UBXN2A: variants seen among roughly 807,000 people sequenced by gnomAD.
UBXN2A encodes the protein UBX domain-containing protein 2A.
A neutral mutation model predicts 28.4 loss-of-function variants in UBXN2A; 28 were observed. The ratio of observed to expected loss-of-function variants is 0.99; its 90% CI spans 0.73 to 1.35. UBXN2A has a LOEUF of 1.35. UBXN2A is among the 40% of genes most tolerant of loss of function. The pLI is 0.00. For synonymous variants in UBXN2A, 97 were observed against 103.6 expected (o/e 0.94, Z 0.39); for missense variants, 253 against 297.9 (o/e 0.85, Z 1.11).
intron 1 of UBXN2A, among the ~76,000 whole-genome samples, chr2:23,933,567 C>T (rs1177369119): frequency 6.6e-6 from 1 of 151,674 alleles, no homozygotes; most frequent in Non-Finnish European, 1.5e-5. Context: ...TAAGCAAGAG[C>T]CATAAATTAG....
intron 2 of UBXN2A, among the ~76,000 whole-genome samples, chr2:23,969,369 T>C (rs923740591): frequency 1.1e-4 from 17 of 151,818 alleles, no homozygotes; most frequent in Non-Finnish European, 5.9e-5. Context: ...AGACCCTTTT[T>C]CTCCAAAACA....
At chr2:23,983,928 G>A (rs1033852460) in intron 5 of UBXN2A, among the ~76,000 whole-genome samples, 2 of 152,102 alleles carry the variant, frequency 1.3e-5, no homozygotes, top group Non-Finnish European at 2.9e-5. Flanking sequence ...CACCCACCTC[G>A]GCCTCCCAAA....
At chr2:23,988,776 C>T (rs1465216105) in intron 6 of UBXN2A, among the ~76,000 whole-genome samples, 2 of 152,056 alleles carry the variant, frequency 1.3e-5, no homozygotes, top group Admixed American at 1.3e-4. Context: ...GTGTCTATAC[C>T]TACTCATAGT....
chr2:23,991,649 T>G (rs1243681870), intron 6 of UBXN2A, among the ~76,000 whole-genome samples: 1 of 152,048 alleles, frequency 6.6e-6, no homozygotes, highest in African/African-American at 2.4e-5. Context: ...TTTTTTGTAT[T>G]TTTAGTAGAG....
intron 2 of UBXN2A, among the ~76,000 whole-genome samples, chr2:23,961,243 G>GT (rs1706893077): frequency 6.7e-6 from 1 of 148,216 alleles, no homozygotes; most frequent in South Asian, 2.1e-4. Flanking sequence ...CTACAGGTGT[G>GT]TGCCACCACG....
intron 3 of UBXN2A, among the ~76,000 whole-genome samples, chr2:23,972,189 T>C (rs1303900257): frequency 1.3e-5 from 2 of 152,188 alleles, no homozygotes; most frequent in Non-Finnish European, 2.9e-5. Context: ...TGCAACACCT[T>C]AGCAGGAATC....
In UBXN2A at chr2:24,001,473, T is replaced by C. The variant is rs1385246454; in HGVS notation, c.*1606T>C. 1 of 152,064 alleles carries C rather than the reference T, an allele frequency of 6.6e-6. No individual in the cohort carries two copies. Among genetic ancestry groups the C allele is most frequent in the Non-Finnish European group, 1.5e-5 (1 of 68,010 alleles). The allele number at this position is 152,064 out of a possible 1,614,324, so 9.4% of individuals were successfully genotyped here. A position where few individuals can be genotyped will look rare whatever the true frequency, so the allele number is the denominator to read the frequency against. On this transcript the variant is annotated 3_prime_UTR_variant, in exon 7 of 7. Coordinates refer to ENST00000309033, the MANE Select transcript of UBXN2A (RefSeq NM_181713.4). ...TAAGTTTAACATTTTTTTTTGCAAA[T>C]GATCTATTGAATCAGATTTAAAATG... is the stretch of plus-strand genomic sequence containing the variant.
chr2:23,955,717 T>A (rs575302143), intron 1 of UBXN2A, among the ~76,000 whole-genome samples: 99 of 152,368 alleles, frequency 6.5e-4, no homozygotes, highest in Non-Finnish European at 1.3e-3. Flanking sequence ...TGGTAACTAT[T>A]TGCGTATCCA....
chr2:23,986,703 G>A (rs1708147382), intron 6 of UBXN2A, among the ~76,000 whole-genome samples: 1 of 151,704 alleles, frequency 6.6e-6, no homozygotes, highest in Admixed American at 6.6e-5. Context: ...CATCCCCCGG[G>A]TTCAAGCGAT....
intron 1 of UBXN2A, chr2:23,943,708 C>G (rs1333967582): frequency 1.1e-5 from 2 of 184,266 alleles, no homozygotes; most frequent in Non-Finnish European, 1.1e-5. Context: ...TCAGGCTGGT[C>G]TCGAACTCCT....
intron 4 of UBXN2A, among the ~76,000 whole-genome samples, chr2:23,979,787 T>C (rs1707821158): frequency 6.6e-6 from 1 of 152,038 alleles, no homozygotes; most frequent in South Asian, 2.1e-4. Context: ...CCCAGGCTGG[T>C]CTCAAACTCC....
At chr2:23,927,911 C>T (rs1705147418) in intron 1 of UBXN2A, among the ~76,000 whole-genome samples, 1 of 151,964 alleles carries the variant, frequency 6.6e-6, no homozygotes, top group Non-Finnish European at 1.5e-5. Flanking sequence ...TGCGGTGGCT[C>T]AAGCCTGTAA....
intron 1 of UBXN2A, among the ~76,000 whole-genome samples, chr2:23,942,759 G>A (rs1355667407): frequency 6.6e-6 from 1 of 151,762 alleles, no homozygotes; most frequent in Non-Finnish European, 1.5e-5. Flanking sequence ...TTTGGGACCA[G>A]CTTTTTCTGT....
chr2:23,979,660 C>T (rs957763510), intron 4 of UBXN2A, among the ~76,000 whole-genome samples: 1 of 151,988 alleles, frequency 6.6e-6, no homozygotes, highest in African/African-American at 2.4e-5. Context: ...CTTCAAACTC[C>T]CCGTCTCAAG....
intron 2 of UBXN2A, among the ~76,000 whole-genome samples, chr2:23,964,279 C>T (rs887025441): frequency 3.3e-5 from 5 of 151,730 alleles, no homozygotes; most frequent in Admixed American, 1.3e-4. Flanking sequence ...GGCACAATCT[C>T]GGCTCACCAC....
In UBXN2A at chr2:24,000,064, C is replaced by G. The variant is rs145877496; in HGVS notation, c.*197C>G. On this transcript the variant is annotated 3_prime_UTR_variant, in exon 7 of 7. Transcript: ENST00000309033. ...ATGACTGGAAACTATATTCAGTGCACTTTCTCCAAAAGACTACCCAGAAAA... is the reference window on the plus strand; with the variant it reads ...ATGACTGGAAACTATATTCAGTGCAGTTTCTCCAAAAGACTACCCAGAAAA... The G allele has an allele frequency of 5.5e-4, 298 of 537,052 alleles. 2 individuals carry two copies. The East Asian group carries it at 8.9e-3, about 16-fold the overall frequency. 33.3% of individuals were successfully genotyped at this position (537,052 alleles called of 1,614,324 possible).
At chr2:23,987,839 C>T (rs1420615047) in intron 6 of UBXN2A, among the ~76,000 whole-genome samples, 1 of 148,550 alleles carries the variant, frequency 6.7e-6, no homozygotes, top group East Asian at 2.1e-4. Context: ...AAGAACTTTT[C>T]TTGGCCAGGT....
intron 1 of UBXN2A, among the ~76,000 whole-genome samples, chr2:23,955,042 C>T (rs1706552301): frequency 6.6e-6 from 1 of 151,278 alleles, no homozygotes; most frequent in Non-Finnish European, 1.5e-5. Flanking sequence ...AGGCCATTCT[C>T]CTGCCTCAGC....
At chr2:23,944,197 T>A (rs1418354565) in intron 1 of UBXN2A, 1 of 1,488,982 alleles carries the variant, frequency 6.7e-7, no homozygotes, top group Non-Finnish European at 9.3e-7. Context: ...ACAACTAAGT[T>A]TGCACTCGTC....
Sources: allele counts gnomAD v4.1 joint callset (sites outside exome capture counted in the v4.1 genomes callset), GRCh38; gene constraint gnomAD v4.1.1; transcripts MANE v1.5; gene names NCBI Gene and HGNC (gene_info 2026-07-23, HGNC 2026-07-21).